TNFAIP8L1: variants seen among roughly 807,000 people sequenced by gnomAD.
TNFAIP8L1 encodes tumor necrosis factor alpha-induced protein 8-like protein 1.
For missense variants in TNFAIP8L1, 225 were observed against 266.1 expected (o/e 0.85, Z 1.08); for synonymous variants, 127 against 125.6 (o/e 1.01, Z -0.08).
intron 1 of TNFAIP8L1, among the ~76,000 whole-genome samples, chr19:4,649,589 A>G (rs1350431007): frequency 6.6e-6 from 1 of 152,198 alleles, no homozygotes; most frequent in Non-Finnish European, 1.5e-5. Context: ...GGGCGTTGAG[A>G]GCCAGTGGTT....
intron 1 of TNFAIP8L1, among the ~76,000 whole-genome samples, chr19:4,646,732 G>T (rs1460095884): frequency 6.6e-6 from 1 of 151,608 alleles, no homozygotes; most frequent in Non-Finnish European, 1.5e-5. Flanking sequence ...CCGGGTTCAC[G>T]CCATTCTCCT....
intron 1 of TNFAIP8L1, among the ~76,000 whole-genome samples, chr19:4,650,482 G>A (rs1036573370): frequency 1.3e-5 from 2 of 152,064 alleles, no homozygotes; most frequent in African/African-American, 4.8e-5. Flanking sequence ...TGAGATTTAG[G>A]AAGAATTCCG....
In TNFAIP8L1 at chr19:4,654,941, G is replaced by A. The variant is rs1419580497; in HGVS notation, c.*2511G>A. On this transcript the variant is annotated 3_prime_UTR_variant, in exon 2 of 2. Transcript: ENST00000327473. ...ACCTTGTCTGTGGAGGGTAGAGGTT[G>A]CGGCAGGGGCCTGTGGGCCTTACTT... 6.6e-6 allele frequency: 1 copy of A among 152,232 alleles called. No homozygotes were observed. Among genetic ancestry groups the A allele is most frequent in the Non-Finnish European group, 1.5e-5 (1 of 68,046 alleles). 9.4% of individuals were successfully genotyped at this position (152,232 alleles called of 1,614,324 possible).
In TNFAIP8L1 at chr19:4,645,767, G is replaced by T. The variant is rs1455918456; in HGVS notation, c.-3-6100G>T. Among the ~76,000 whole-genome samples the T allele has an allele frequency of 6.6e-6, 1 of 151,846 alleles. No homozygotes were observed. The highest frequency in any genetic ancestry group is 1.5e-5 in the Non-Finnish European group (1 of 67,946). On this transcript the variant is annotated intron_variant, in intron 1 of 1. Coordinates refer to ENST00000327473, the MANE Select transcript of TNFAIP8L1 (RefSeq NM_152362.3). This position sits in a 1 kb window ranked among gnomAD's most constrained non-coding sequence, Gnocchi z 4.1. ...GAAGAGTCAAGGGAGCCAGGGAGTT[G>T]GTGCCTGGTCACCCATTTTGCAGAT...
chr19:4,645,484 A>AGGCTGT lies in TNFAIP8L1; in HGVS notation c.-4+5858_-4+5859insTGTGGC, dbSNP rs1274892470. On this transcript the variant is annotated intron_variant, in intron 1 of 1. Transcript: ENST00000327473. The surrounding 1 kb of genome is among the most constrained non-coding windows in gnomAD (Gnocchi z 4.1). ...CTAGCTACTTGGGAGGCTGAGGCTGAGGCAGGAGAATCGCTTGAATCCGGG... is the reference window on the plus strand; with the variant it reads ...CTAGCTACTTGGGAGGCTGAGGCTGAGGCTGTGGCAGGAGAATCGCTTGAATCCGGG... 6.6e-6 allele frequency among the ~76,000 whole-genome samples: 1 copy of AGGCTGT among 152,024 alleles called. No individual in the cohort carries two copies. The highest frequency in any genetic ancestry group is 6.6e-5 in the Admixed American group (1 of 15,250).
At chr19:4,650,621 G>A (rs2088353077) in intron 1 of TNFAIP8L1, among the ~76,000 whole-genome samples, 1 of 152,020 alleles carries the variant, frequency 6.6e-6, no homozygotes, top group Non-Finnish European at 1.5e-5. Context: ...TGAGAGGCCT[G>A]GCCCTTATGC....
At position 4,654,366 on chromosome 19, in the gene TNFAIP8L1, CAA is replaced by C. The variant is rs1368106817; in HGVS notation, c.*1938_*1939del. On this transcript the variant is annotated 3_prime_UTR_variant, in exon 2 of 2. Transcript: ENST00000327473. Reference sequence around the variant, plus strand: ...ATTTTATTTATTTATTGTTTTGAGACAAAGTCTCGCTGTGTCACCCAGGCTGG... The same window carrying C: ...ATTTTATTTATTTATTGTTTTGAGACAGTCTCGCTGTGTCACCCAGGCTGG... 1 of 152,182 alleles carries C rather than the reference CAA, an allele frequency of 6.6e-6. No individual in the cohort carries two copies. The highest frequency in any genetic ancestry group is 1.5e-5 in the Non-Finnish European group (1 of 68,052). The allele number at this position is 152,182 out of a possible 1,614,324, so 9.4% of individuals were successfully genotyped here.
At chr19:4,642,150 G>T (rs2088266578) in intron 1 of TNFAIP8L1, 1 of 152,226 alleles carries the variant, frequency 6.6e-6, no homozygotes. Flanking sequence ...CTGCACTTCA[G>T]CCTGGGCGAC....
intron 1 of TNFAIP8L1, among the ~76,000 whole-genome samples, chr19:4,646,284 G>A (rs753944437): frequency 1.3e-4 from 20 of 148,666 alleles, no homozygotes; most frequent in African/African-American, 2.5e-4. Context: ...CACCACGCCC[G>A]GCCGACTTTT....
At chr19:4,651,569 G>A (rs2088364601) in intron 1 of TNFAIP8L1, among the ~76,000 whole-genome samples, 1 of 151,710 alleles carries the variant, frequency 6.6e-6, no homozygotes, top group South Asian at 2.1e-4. Flanking sequence ...CCCAAGTAGC[G>A]GGGATTGCGG....
chr19:4,644,605 A>ATTTTTTTTTT (rs553560316), intron 1 of TNFAIP8L1, among the ~76,000 whole-genome samples: 2 of 88,740 alleles, frequency 2.3e-5, no homozygotes, highest in African/African-American at 4.8e-5. Flanking sequence ...TGAGTCATGG[A>ATTTTTTTTTT]TTTTTTTTTT....
At chr19:4,643,623 CCT>C (rs769626745) in intron 1 of TNFAIP8L1, among the ~76,000 whole-genome samples, 117 of 152,332 alleles carry the variant, frequency 7.7e-4, no homozygotes, top group Non-Finnish European at 1.4e-3. Flanking sequence ...AACAGATTCC[CCT>C]CTCTCTTTTG....
At chr19:4,651,750 A>C (rs181414839) in intron 1 of TNFAIP8L1, 117 bp from the exon 2 acceptor site, 183 of 1,200,804 alleles carry the variant, frequency 1.5e-4, no homozygotes, top group Non-Finnish European at 2.0e-4. Flanking sequence ...GTCCGGCATG[A>C]CACTTTTTAA....
Position 4,654,622 on chromosome 19 carries a change from T to C in TNFAIP8L1, c.*2192T>C, listed in dbSNP as rs973689038. ...CTCACAAAGTGTGCACATTGTAATA[T>C]CGTGATTTCATATTTGGAGAATCAG... On this transcript the variant is annotated 3_prime_UTR_variant, in exon 2 of 2. Transcript: ENST00000327473. The C allele has an allele frequency of 1.3e-5, 2 of 152,154 alleles. No individual in the cohort carries two copies. Among genetic ancestry groups the C allele is most frequent in the Non-Finnish European group, 2.9e-5 (2 of 68,032 alleles). 9.4% of individuals were successfully genotyped at this position (152,154 alleles called of 1,614,324 possible). A position where few individuals can be genotyped will look rare whatever the true frequency, so the allele number is the denominator to read the frequency against.
At chr19:4,649,347 A>G (rs577825709) in intron 1 of TNFAIP8L1, among the ~76,000 whole-genome samples, 2 of 152,092 alleles carry the variant, frequency 1.3e-5, no homozygotes, top group African/African-American at 2.4e-5. Flanking sequence ...CCTCTCGTCC[A>G]GAGGAAGCTC....
At chr19:4,648,507 T>TC (rs1267801571) in intron 1 of TNFAIP8L1, among the ~76,000 whole-genome samples, 4 of 152,146 alleles carry the variant, frequency 2.6e-5, no homozygotes, top group African/African-American at 9.7e-5. Flanking sequence ...TGTCAGCAGG[T>TC]CCCGGGGCTG....
chr19:4,652,199 C>T lies in TNFAIP8L1; in HGVS notation c.330C>T (p.Thr110=), dbSNP rs2088373189. 6.5e-7 allele frequency: 1 copy of T among 1,544,562 alleles called. No homozygotes were observed. Among genetic ancestry groups the T allele is most frequent in the African/African-American group, 1.4e-5 (1 of 73,086 alleles). The change falls in exon 2 of 2, where the codon ACC becomes ACT. Residue 110 remains threonine (T), a synonymous_variant. Transcript: ENST00000327473. ...TAVSFHQVDF[T]FDRRVLAAGL... is the part of the protein sequence containing the mutation. ...TCAGCTTCCACCAGGTGGACTTCAC[C>T]TTCGACCGGCGCGTGCTGGCCGCCG... is the stretch of plus-strand genomic sequence containing the variant.
At chr19:4,643,141 T>C (rs2088278551) in intron 1 of TNFAIP8L1, among the ~76,000 whole-genome samples, 1 of 151,760 alleles carries the variant, frequency 6.6e-6, no homozygotes, top group South Asian at 2.1e-4. Context: ...TACCCAGGCA[T>C]GGTGGCACGT....
chr19:4,647,633 T>C (rs12976605), intron 1 of TNFAIP8L1, among the ~76,000 whole-genome samples: 2 of 128,206 alleles, frequency 1.6e-5, no homozygotes, highest in East Asian at 2.2e-4. Context: ...TTTTTTTTTT[T>C]CCTTTTGAGA....
Sources: gnomAD v4.1 joint callset for allele counts (sites outside exome capture counted in the v4.1 genomes callset) on GRCh38, gnomAD v4.1.1 for gene constraint, Gnocchi (gnomAD v3.1) non-coding constraint, MANE v1.5 for transcripts, NCBI Gene and HGNC (gene_info 2026-07-23, HGNC 2026-07-21) for gene names.